Variants in CNTN5 observed in about 807,000 individuals in gnomAD.
CNTN5 encodes the protein contactin 5.
Under a neutral mutation model 129.1 loss-of-function variants are expected in CNTN5, and 77 were observed. The ratio of observed to expected loss-of-function variants is 0.60; its 90% CI spans 0.50 to 0.72. The LOEUF is 0.72. CNTN5 is among the 30% of genes least tolerant of loss of function. CNTN5 has a pLI of 0.00. For missense variants in CNTN5, 1,478 were observed against 1,328.8 expected, an observed-to-expected ratio of 1.11 and a Z score of -1.75; for synonymous variants, 509 against 465.6, an observed-to-expected ratio of 1.09 and a Z score of -1.20.
intron 3 of CNTN5, among the ~76,000 whole-genome samples, chr11:99,665,680 T>A (rs971037670): frequency 6.6e-6 from 1 of 151,464 alleles, no homozygotes; most frequent in Non-Finnish European, 1.5e-5. Flanking sequence ...AGAGCCGGGG[T>A]TGCACAATGT....
rs1943383659 is a variant in CNTN5 at position 99,727,322 on chromosome 11, A to AAAAAAAAAAAG, written c.56-92212_56-92211insGAAAAAAAAAA. 2.4e-5 allele frequency among the ~76,000 whole-genome samples: 3 copies of AAAAAAAAAAAG among 126,750 alleles called. No individual in the cohort carries two copies. The Admixed American group carries it at 2.5e-4, about 11-fold the overall frequency. The allele number at this position is 126,750 out of a possible 152,430, so 83.2% of individuals were successfully genotyped here. On this transcript the variant is annotated intron_variant, in intron 3 of 24. Coordinates refer to ENST00000524871, the MANE Select transcript of CNTN5 (RefSeq NM_014361.4). ...AGCGAGACTCCGTCTCAAAAAAAAA[A>AAAAAAAAAAAG]AAAAAAAAAAAATTCCAGGGCATTG...
chr11:100,057,921 C>G (rs1319281681), intron 9 of CNTN5, among the ~76,000 whole-genome samples: 1 of 152,062 alleles, frequency 6.6e-6, no homozygotes, highest in African/African-American at 2.4e-5. Flanking sequence ...CACAACTACT[C>G]TCTGACATAA....
chr11:99,840,470 G>A (rs769304518), intron 4 of CNTN5, among the ~76,000 whole-genome samples: 10 of 151,772 alleles, frequency 6.6e-5, no homozygotes, highest in South Asian at 2.1e-4. Flanking sequence ...ATCATTCTTC[G>A]TAGCAGAGAA....
At position 99,886,919 on chromosome 11, in the gene CNTN5, C is replaced by T. The variant is rs531337046; in HGVS notation, c.578-29135C>T. 2.0e-5 allele frequency among the ~76,000 whole-genome samples: 3 copies of T among 151,954 alleles called. No individual in the cohort carries two copies. In the East Asian group the frequency reaches 5.8e-4, roughly 29 times the overall value. On this transcript the variant is annotated intron_variant, in intron 6 of 24. Transcript: ENST00000524871. ...TTTTTTTTAAAAAAGGATCTATAAG[C>T]GCTTATCTCAAAATATTAGGAGAGG...
At chr11:99,879,163 C>T (rs1305643866) in intron 6 of CNTN5, among the ~76,000 whole-genome samples, 1 of 152,010 alleles carries the variant, frequency 6.6e-6, no homozygotes, top group Non-Finnish European at 1.5e-5. Context: ...GTCTCGAACT[C>T]TTGACATCAG....
chr11:99,512,231 T>C (rs1488042860), intron 2 of CNTN5, among the ~76,000 whole-genome samples: 2 of 152,162 alleles, frequency 1.3e-5, no homozygotes, highest in Non-Finnish European at 2.9e-5. Flanking sequence ...CTTTAATACA[T>C]TTAGATACAT....
intron 3 of CNTN5, among the ~76,000 whole-genome samples, chr11:99,614,585 G>T (rs1332973323): frequency 6.6e-6 from 1 of 152,270 alleles, no homozygotes; most frequent in African/African-American, 2.4e-5. Flanking sequence ...GAGCTGGGAG[G>T]TGGAAAAGGA....
chr11:100,182,136 T>C, intron 13 of CNTN5, among the ~76,000 whole-genome samples: 1 of 152,080 alleles, frequency 6.6e-6, no homozygotes, highest in East Asian at 1.9e-4. Context: ...GAACAGAGAA[T>C]CAAGAATTTG....
chr11:99,641,543 G>T (rs1951770999), intron 3 of CNTN5, among the ~76,000 whole-genome samples: 1 of 152,070 alleles, frequency 6.6e-6, no homozygotes, highest in African/African-American at 2.4e-5. Flanking sequence ...GAAATGGCAA[G>T]CCACCCCATC....
intron 1 of CNTN5, among the ~76,000 whole-genome samples, chr11:99,151,123 AG>A (rs1180663295): frequency 6.6e-6 from 1 of 152,156 alleles, no homozygotes; most frequent in Non-Finnish European, 1.5e-5. Context: ...TTTATCAATT[AG>A]GTATTTGATA....
At chr11:99,549,400 G>A (rs1948408122) in intron 2 of CNTN5, among the ~76,000 whole-genome samples, 1 of 152,056 alleles carries the variant, frequency 6.6e-6, no homozygotes, top group African/African-American at 2.4e-5. Flanking sequence ...ACCCAGCTGT[G>A]TGGGCCCTAG....
chr11:99,277,680 G>A (rs905274189), intron 1 of CNTN5, among the ~76,000 whole-genome samples: 2 of 151,626 alleles, frequency 1.3e-5, no homozygotes, highest in African/African-American at 4.8e-5. Flanking sequence ...TCTAGTCAAA[G>A]AGGAAATCCT....
intron 3 of CNTN5, among the ~76,000 whole-genome samples, chr11:99,671,233 T>G (rs1953030285): frequency 6.6e-6 from 1 of 152,076 alleles, no homozygotes; most frequent in Non-Finnish European, 1.5e-5. Flanking sequence ...TAACAAATTC[T>G]AAACTTGTAA....
chr11:99,925,777 A>G (rs1277252518), intron 7 of CNTN5, among the ~76,000 whole-genome samples: 4 of 152,110 alleles, frequency 2.6e-5, no homozygotes, highest in African/African-American at 9.7e-5. Context: ...AGACAGGCAG[A>G]CAGGTTCACC....
chr11:99,149,639 T>C (rs1450388916), intron 1 of CNTN5, among the ~76,000 whole-genome samples: 1 of 152,180 alleles, frequency 6.6e-6, no homozygotes, highest in African/African-American at 2.4e-5. Context: ...TTGTGACTTC[T>C]TGATCTCCTT....
chr11:99,685,314 A>G (rs1232021894), intron 3 of CNTN5, among the ~76,000 whole-genome samples: 8 of 151,978 alleles, frequency 5.3e-5, no homozygotes, highest in East Asian at 1.9e-4. Flanking sequence ...TGTGTTTACT[A>G]TTACAATTAG....
At chr11:99,740,741 C>A (rs1943863581) in intron 3 of CNTN5, among the ~76,000 whole-genome samples, 1 of 152,130 alleles carries the variant, frequency 6.6e-6, no homozygotes, top group Non-Finnish European at 1.5e-5. Context: ...GCTGGATATG[C>A]ATGAAACACT....
At chr11:100,102,442 C>T (rs950369358) in intron 13 of CNTN5, among the ~76,000 whole-genome samples, 2 of 151,768 alleles carry the variant, frequency 1.3e-5, no homozygotes, top group Non-Finnish European at 2.9e-5. Flanking sequence ...TTTGTTTGAG[C>T]TCCACATTTT....
chr11:99,961,330 C>T (rs867589361), intron 8 of CNTN5, among the ~76,000 whole-genome samples: 2 of 151,810 alleles, frequency 1.3e-5, no homozygotes, highest in African/African-American at 4.8e-5. Context: ...TGCTACCTGT[C>T]GCCCTTCTCA....
Sources: allele counts gnomAD v4.1 joint callset (sites outside exome capture counted in the v4.1 genomes callset), GRCh38; gene constraint gnomAD v4.1.1; transcripts MANE v1.5; gene names NCBI Gene and HGNC (gene_info 2026-07-23, HGNC 2026-07-21).